SPATS2L: variants seen among roughly 807,000 people sequenced by gnomAD.
SPATS2L encodes the protein SPATS2-like protein.
In SPATS2L, 30 loss-of-function variants were observed where a neutral mutation model predicts 59.6. That is an observed-to-expected ratio of 0.50 (90% CI 0.38 to 0.68). SPATS2L has a LOEUF of 0.68. SPATS2L is among the 30% of genes least tolerant of loss of function. SPATS2L has a pLI of 0.00. For synonymous variants in SPATS2L, 252 were observed against 263.5 expected (o/e 0.96, Z 0.42); for missense variants, 615 against 700.0 (o/e 0.88, Z 1.37).
intron 10 of SPATS2L, among the ~76,000 whole-genome samples, chr2:200,467,932 G>A (rs751666814): frequency 6.6e-6 from 1 of 151,994 alleles, no homozygotes; most frequent in Admixed American, 6.6e-5. Flanking sequence ...ACTGACCCTG[G>A]CTAACCTCAA....
At chr2:200,457,868 A>AT (rs900605261) in intron 8 of SPATS2L, among the ~76,000 whole-genome samples, 8 of 152,304 alleles carry the variant, frequency 5.3e-5, no homozygotes, top group African/African-American at 1.7e-4. Context: ...ATACTGCAAA[A>AT]TTTTTCAGAG....
intron 2 of SPATS2L, among the ~76,000 whole-genome samples, chr2:200,335,393 G>GAA (rs35753131): frequency 1.4e-4 from 21 of 149,036 alleles, no homozygotes; most frequent in Non-Finnish European, 2.5e-4. Context: ...AAAAAAGAAA[G>GAA]AAAAAAAAAA....
rs115255061 is a variant in SPATS2L at position 200,346,761 on chromosome 2, A to G, written c.-23+17281A>G. Among the ~76,000 whole-genome samples, 911 of 152,220 alleles carry G rather than the reference A, an allele frequency of 6.0e-3. 9 individuals carry two copies. Among genetic ancestry groups the G allele is most frequent in the East Asian group, 0.049 (253 of 5,168 alleles). ...GATTCCTGCATTTGTTATCATTTCT[A>G]CCCTAACCTGTAGAAGTCCAAGACA... On this transcript the variant is annotated intron_variant, in intron 2 of 12. Transcript: ENST00000409140.
At chr2:200,358,946 C>T (rs1213976348) in intron 2 of SPATS2L, among the ~76,000 whole-genome samples, 1 of 151,906 alleles carries the variant, frequency 6.6e-6, no homozygotes, top group African/African-American at 2.4e-5. Flanking sequence ...ATGATTATAC[C>T]ACTGCACTCC....
At chr2:200,429,912 A>G (rs747733413) in intron 6 of SPATS2L, among the ~76,000 whole-genome samples, 1 of 151,942 alleles carries the variant, frequency 6.6e-6, no homozygotes, top group Non-Finnish European at 1.5e-5. Context: ...TTGGAGTACA[A>G]TTTCCCACTC....
chr2:200,341,239 G>A (rs2080314341), intron 2 of SPATS2L, among the ~76,000 whole-genome samples: 1 of 152,132 alleles, frequency 6.6e-6, no homozygotes, highest in South Asian at 2.1e-4. Flanking sequence ...AAGGTCGCAC[G>A]ATTAACCCTG....
chr2:200,307,009 A>C, intron 1 of SPATS2L, 87 bp downstream of exon 1: 12 of 968,190 alleles, frequency 1.2e-5, no homozygotes, highest in Non-Finnish European at 1.3e-5. Flanking sequence ...CGGGACGGAG[A>C]CTCGGCTGGG....
chr2:200,474,196 G>C (rs2087315587), intron 12 of SPATS2L, among the ~76,000 whole-genome samples: 1 of 151,088 alleles, frequency 6.6e-6, no homozygotes, highest in Admixed American at 6.6e-5. Flanking sequence ...TCTTATTAAT[G>C]ATATTGACAG....
Position 200,306,779 on chromosome 2 carries a change from A to G in SPATS2L, c.-216A>G, listed in dbSNP as rs969789865. 73 of 981,670 alleles carry G rather than the reference A, an allele frequency of 7.4e-5. No homozygotes were observed. The highest frequency in any genetic ancestry group is 7.0e-4 in the African/African-American group (40 of 56,936). The allele number at this position is 981,670 out of a possible 1,614,324, so 60.8% of individuals were successfully genotyped here. On this transcript the variant is annotated 5_prime_UTR_variant, in exon 1 of 13. Coordinates refer to ENST00000409140, the MANE Select transcript of SPATS2L (RefSeq NM_001100423.2). ...GCCGGCAGCGCGGGGCGAGCTCCGG[A>G]CGGCGCGCGGCCCAGGCAGCGGCTC... is the stretch of plus-strand genomic sequence containing the variant.
rs774761702 is a variant in SPATS2L at position 200,477,991 on chromosome 2, C to A, written c.1637C>A (p.Ala546Glu). 6.3e-7 allele frequency: 1 copy of A among 1,588,114 alleles called. No homozygotes were observed. Among genetic ancestry groups the A allele is most frequent in the Non-Finnish European group, 8.6e-7 (1 of 1,166,954 alleles). Reference protein sequence around the residue: ...CPTRIEVSTDAAVLSVPAVTL... With the variant: ...CPTRIEVSTDEAVLSVPAVTL... ...ACGAGAATAGAAGTTTCCACAGATG[C>A]AGCAGTTCTCTCAGTCCCGGCTGTG... Residue 546 changes from alanine (A) to glutamate (E), a missense_variant, in exon 13 of 13, where the codon GCA becomes GAA. Physicochemically the swap from Ala to Glu is moderately radical, Grantham distance 107 (BLOSUM62 -1). Transcript: ENST00000409140.
chr2:200,464,287 A>G (rs927788985), intron 9 of SPATS2L, among the ~76,000 whole-genome samples: 5 of 152,200 alleles, frequency 3.3e-5, no homozygotes, highest in Non-Finnish European at 5.9e-5. Context: ...GGCTTTTTTC[A>G]TAATGAAAGC....
At chr2:200,358,747 G>T (rs1188668615) in intron 2 of SPATS2L, among the ~76,000 whole-genome samples, 1 of 152,066 alleles carries the variant, frequency 6.6e-6, no homozygotes, top group Non-Finnish European at 1.5e-5. Context: ...CAGCACTTTG[G>T]GAGGTCAAGG....
chr2:200,311,655 G>A (rs1488549669), intron 1 of SPATS2L, among the ~76,000 whole-genome samples: 1 of 152,236 alleles, frequency 6.6e-6, no homozygotes, highest in South Asian at 2.1e-4. Context: ...GAAAGGTGAT[G>A]TAGGGAAGAG....
intron 1 of SPATS2L, among the ~76,000 whole-genome samples, chr2:200,326,155 C>T (rs2079732894): frequency 6.6e-6 from 1 of 152,164 alleles, no homozygotes; most frequent in East Asian, 1.9e-4. Flanking sequence ...GAGATGGGGT[C>T]TTGGGCTCTT....
intron 2 of SPATS2L, among the ~76,000 whole-genome samples, chr2:200,333,645 C>T (rs2080035742): frequency 6.6e-6 from 1 of 152,036 alleles, no homozygotes; most frequent in African/African-American, 2.4e-5. Flanking sequence ...AATGCTATCC[C>T]TCCCCGCTCC....
chr2:200,410,946 A>G (rs1174287411), intron 3 of SPATS2L, among the ~76,000 whole-genome samples: 2 of 151,570 alleles, frequency 1.3e-5, no homozygotes, highest in African/African-American at 4.8e-5. Context: ...AATGGATGCC[A>G]GAAAAACTAA....
At chr2:200,449,926 A>G (rs2085324217) in intron 8 of SPATS2L, among the ~76,000 whole-genome samples, 1 of 152,166 alleles carries the variant, frequency 6.6e-6, no homozygotes, top group African/African-American at 2.4e-5. Context: ...AAGCCAATAA[A>G]ATAGAACTCC....
chr2:200,400,387 T>C (rs1361775772), intron 3 of SPATS2L, among the ~76,000 whole-genome samples: 1 of 152,166 alleles, frequency 6.6e-6, no homozygotes, highest in Non-Finnish European at 1.5e-5. Flanking sequence ...ATAGAAAACA[T>C]GTAGGTATAT....
At chr2:200,389,382 T>G in intron 3 of SPATS2L, 99 bp downstream of exon 3, 1 of 797,366 alleles carries the variant, frequency 1.3e-6, no homozygotes, top group Non-Finnish European at 2.0e-6. Flanking sequence ...GGGAAAGTGG[T>G]TTTGGGGGAT....
Sources: gnomAD v4.1 joint callset for allele counts (sites outside exome capture counted in the v4.1 genomes callset) on GRCh38, gnomAD v4.1.1 for gene constraint, MANE v1.5 for transcripts, NCBI Gene and HGNC (gene_info 2026-07-23, HGNC 2026-07-21) for gene names.